The following NWD2 variants were observed in gnomAD, a reference collection of about 807,000 sequenced individuals.
The protein encoded by NWD2 is NACHT and WD repeat domain-containing protein 2.
In NWD2, 37 loss-of-function variants were observed where a neutral mutation model predicts 132.7. The ratio of observed to expected loss-of-function variants is 0.28; its 90% CI spans 0.21 to 0.37. The LOEUF (loss-of-function observed/expected upper bound fraction) is 0.37, where lower values mean the gene tolerates loss of function less well. Among genes scored for constraint, NWD2 ranks in the 10% least tolerant of loss-of-function variants. NWD2 has a pLI of 1.00. For missense variants in NWD2, 1,592 were observed against 2,122.4 expected (o/e 0.75, Z 4.91); for synonymous variants, 705 against 803.0 (o/e 0.88, Z 2.06).
chr4:37,363,393 C>G (rs1396719961), intron 3 of NWD2, among the ~76,000 whole-genome samples: 1 of 152,100 alleles, frequency 6.6e-6, no homozygotes, highest in Non-Finnish European at 1.5e-5. Context: ...TCTAGGTGTC[C>G]ACGTCTAGTG....
chr4:37,332,336 C>T (rs1318149546), intron 2 of NWD2, among the ~76,000 whole-genome samples: 3 of 152,100 alleles, frequency 2.0e-5, no homozygotes, highest in Non-Finnish European at 4.4e-5. Flanking sequence ...GCAACTTGGA[C>T]ACCAGCTCAG....
chr4:37,366,314 C>T (rs1033681726), intron 3 of NWD2, among the ~76,000 whole-genome samples: 3 of 152,086 alleles, frequency 2.0e-5, no homozygotes, highest in African/African-American at 4.8e-5. Context: ...AAACTGCAAC[C>T]GAGCCGCGGC....
chr4:37,340,636 G>A (rs902156075), intron 2 of NWD2, among the ~76,000 whole-genome samples: 2 of 152,208 alleles, frequency 1.3e-5, no homozygotes, highest in African/African-American at 4.8e-5. Flanking sequence ...GGCCTGTGGA[G>A]GAGTTGATGT....
chr4:37,403,470 C>T (rs148049228), intron 3 of NWD2, among the ~76,000 whole-genome samples: 23 of 152,184 alleles, frequency 1.5e-4, no homozygotes, highest in Non-Finnish European at 2.1e-4. Flanking sequence ...ATTCGTGCTC[C>T]TAGTACAGGG....
At chr4:37,410,299 A>G (rs977822843) in intron 3 of NWD2, among the ~76,000 whole-genome samples, 4 of 152,142 alleles carry the variant, frequency 2.6e-5, no homozygotes. Flanking sequence ...AAATAAAGGG[A>G]TGGAGGAATA....
At chr4:37,292,323 A>T (rs146255386) in intron 1 of NWD2, among the ~76,000 whole-genome samples, 1 of 152,142 alleles carries the variant, frequency 6.6e-6, no homozygotes, top group Non-Finnish European at 1.5e-5. Context: ...CAGAGGCTTC[A>T]TGAATGGGAT....
In NWD2 at chr4:37,444,156, A is replaced by G. The variant is rs1403349250; in HGVS notation, c.2168A>G (p.His723Arg). Reference sequence around the variant, plus strand: ...CTCAGTGGATACCTAATAGAAAGACATGTGAAAAATGTCACACTCCTAGTC... The same window carrying G: ...CTCAGTGGATACCTAATAGAAAGACGTGTGAAAAATGTCACACTCCTAGTC... ...EGLSGYLIER[H>R]VKNVTLLVWA... Residue 723 changes from histidine to arginine, a missense_variant, in exon 7 of 7, where the codon CAT becomes CGT. Physicochemically the swap from His to Arg is conservative, Grantham distance 29. This residue lies in a region of NWD2 where 1,071 missense variants were observed against 1,398.0 expected (regional missense o/e 0.77). Coordinates refer to ENST00000309447, the MANE Select transcript of NWD2 (RefSeq NM_001144990.2). This position sits in a 1 kb window ranked among gnomAD's most constrained non-coding sequence, Gnocchi z 4.8. The G allele has an allele frequency of 1.3e-6, 2 of 1,551,748 alleles. No individual in the cohort carries two copies. The highest frequency in any genetic ancestry group is 1.2e-5 in the South Asian group (1 of 84,064).
At chr4:37,304,333 T>C (rs1489860156) in intron 1 of NWD2, among the ~76,000 whole-genome samples, 1 of 152,170 alleles carries the variant, frequency 6.6e-6, no homozygotes, top group Non-Finnish European at 1.5e-5. Context: ...GAGATTTGGG[T>C]GGAGACACAG....
chr4:37,435,209 T>G (rs1439667768), intron 5 of NWD2, among the ~76,000 whole-genome samples: 1 of 152,174 alleles, frequency 6.6e-6, no homozygotes, highest in Non-Finnish European at 1.5e-5. Flanking sequence ...TTTTGAAAGT[T>G]GATAGTAAAA....
chr4:37,428,745 T>C (rs1712074245), intron 3 of NWD2, among the ~76,000 whole-genome samples: 1 of 152,262 alleles, frequency 6.6e-6, no homozygotes, highest in Non-Finnish European at 1.5e-5. Flanking sequence ...CACTAATTTT[T>C]TTTTAAGATG....
chr4:37,363,765 T>TAC (rs1720029726), intron 3 of NWD2, among the ~76,000 whole-genome samples: 1 of 152,088 alleles, frequency 6.6e-6, no homozygotes, highest in Admixed American at 6.6e-5. Flanking sequence ...CATCATGCAA[T>TAC]ACAGCCAGGT....
At chr4:37,360,989 C>A (rs1374477412) in intron 3 of NWD2, among the ~76,000 whole-genome samples, 1 of 152,032 alleles carries the variant, frequency 6.6e-6, no homozygotes, top group Non-Finnish European at 1.5e-5. Context: ...ATAACTGATC[C>A]CACAGAAATA....
In NWD2 at chr4:37,445,179, T is replaced by TTAG; in HGVS notation, c.3193_3194insGTA (p.Phe1064_Thr1065insSer). The TTAG allele has an allele frequency of 6.4e-7, 1 of 1,551,906 alleles. No homozygotes were observed. Among genetic ancestry groups the TTAG allele is most frequent in the Non-Finnish European group, 8.7e-7 (1 of 1,147,056 alleles). ...AGCAGCGCCACCTACATCAATGGAT[T>TTAG]TACACTGTCCGCCAACCACGCCCTT... On this transcript the variant is annotated inframe_insertion, in exon 7 of 7. Transcript: ENST00000309447. The surrounding 1 kb of genome is among the most constrained non-coding windows in gnomAD (Gnocchi z 4.7).
intron 1 of NWD2, among the ~76,000 whole-genome samples, chr4:37,308,532 A>G (rs1618295): frequency 0.073 from 11,123 of 152,110 alleles, 1,255 homozygotes; most frequent in African/African-American, 0.24. Context: ...GCAGGAGCAG[A>G]CCCCAGGTAA....
At chr4:37,294,871 A>C (rs1297765902) in intron 1 of NWD2, among the ~76,000 whole-genome samples, 1 of 152,230 alleles carries the variant, frequency 6.6e-6, no homozygotes, top group Non-Finnish European at 1.5e-5. Flanking sequence ...AGAAACACAG[A>C]ACCACAGAAA....
At chr4:37,272,404 G>A (rs769893290) in intron 1 of NWD2, among the ~76,000 whole-genome samples, 10 of 151,708 alleles carry the variant, frequency 6.6e-5, no homozygotes, top group Admixed American at 4.0e-4. Flanking sequence ...ATATACCATC[G>A]AAGCCACCTG....
rs189008586 is a variant in NWD2, at chr4:37,282,397, T to G, written c.151+37179T>G. ...CCAGCCTTGAAGTAATTTAAGTGCT[T>G]AGAAAAGCATGTTGAGACTATTAGT... On this transcript the variant is annotated intron_variant, in intron 1 of 6. Coordinates refer to ENST00000309447, the MANE Select transcript of NWD2 (RefSeq NM_001144990.2). Among the ~76,000 whole-genome samples the G allele has an allele frequency of 9.8e-5, 15 of 152,318 alleles. No homozygotes were observed. The East Asian group carries it at 2.3e-3, about 23-fold the overall frequency.
At chr4:37,291,841 C>T (rs1776550) in intron 1 of NWD2, among the ~76,000 whole-genome samples, 4,202 of 152,156 alleles carry the variant, frequency 0.028, 198 homozygotes, top group African/African-American at 0.095. Context: ...TAAACTTACC[C>T]CAAAACATTA....
intron 1 of NWD2, among the ~76,000 whole-genome samples, chr4:37,255,789 C>T (rs1343396703): frequency 1.3e-5 from 2 of 152,032 alleles, no homozygotes; most frequent in African/African-American, 4.8e-5. Flanking sequence ...GTGATATGAC[C>T]CTGAGTCCCA....
Sources: allele counts gnomAD v4.1 joint callset (sites outside exome capture counted in the v4.1 genomes callset), GRCh38; gene constraint gnomAD v4.1.1; regional missense constraint gnomAD v4.1.1; non-coding constraint Gnocchi (gnomAD v3.1); transcripts MANE v1.5; gene names NCBI Gene and HGNC (gene_info 2026-07-23, HGNC 2026-07-21).